Variants in PLCG2 observed in about 807,000 individuals in gnomAD.
The protein encoded by PLCG2 is phospholipase C gamma 2, also known as 1-phosphatidylinositol 4,5-bisphosphate phosphodiesterase gamma-2.
Under a neutral mutation model 175.6 loss-of-function variants are expected in PLCG2, and 69 were observed. That is an observed-to-expected ratio of 0.39 (90% CI 0.32 to 0.48). The LOEUF (loss-of-function observed/expected upper bound fraction) is 0.48, where lower values mean the gene tolerates loss of function less well. PLCG2 is among the 20% of genes least tolerant of loss of function. PLCG2 has a pLI of 0.91. For missense variants in PLCG2, 1,798 were observed against 1,650.9 expected (o/e 1.09, Z -1.54); for synonymous variants, 827 against 624.0 (o/e 1.33, Z -4.85).
intron 15 of PLCG2, 95 bp downstream of exon 15, chr16:81,905,602 G>T: frequency 1.3e-6 from 1 of 744,200 alleles, no homozygotes; most frequent in South Asian, 1.6e-5. Flanking sequence ...CGCCTGTCTT[G>T]TTCCCATTTT....
intron 1 of PLCG2, among the ~76,000 whole-genome samples, chr16:81,741,035 T>A (rs1236240336): frequency 6.6e-6 from 1 of 151,986 alleles, no homozygotes; most frequent in Non-Finnish European, 1.5e-5. Context: ...GCAAGAGGGG[T>A]TCCCCCAAGG....
intron 7 of PLCG2, among the ~76,000 whole-genome samples, chr16:81,872,243 A>G (rs901285987): frequency 3.9e-5 from 6 of 152,184 alleles, no homozygotes; most frequent in African/African-American, 1.4e-4. Flanking sequence ...CAGGAGAATC[A>G]CTTGAACCTG....
At chr16:81,910,780 A>G in intron 18 of PLCG2, 60 bp downstream of exon 18, 1 of 1,491,328 alleles carries the variant, frequency 6.7e-7, no homozygotes, top group South Asian at 1.1e-5. Context: ...CACCAGGCAG[A>G]GAAGCTGGCC....
intron 19 of PLCG2, among the ~76,000 whole-genome samples, chr16:81,914,103 G>A (rs117859182): frequency 2.0e-5 from 3 of 152,296 alleles, no homozygotes; most frequent in East Asian, 3.9e-4. Context: ...TGTTCAGTCC[G>A]CTGCACACGG....
At chr16:81,741,865 T>C (rs1390180592) in intron 1 of PLCG2, among the ~76,000 whole-genome samples, 1 of 152,188 alleles carries the variant, frequency 6.6e-6, no homozygotes, top group Non-Finnish European at 1.5e-5. Context: ...CTTCAAACGT[T>C]TGTCATTTCT....
At position 81,862,701 on chromosome 16, in the gene PLCG2, C is replaced by G. The variant is rs145025126; in HGVS notation, c.479+3538C>G. ...CTTGGGCAACATGGGGAAACCCTGT[C>G]TATACAGAAAGTACAAAAAAGTTAG... On this transcript the variant is annotated intron_variant, in intron 5 of 32. Transcript: ENST00000564138. Among the ~76,000 whole-genome samples the G allele has an allele frequency of 5.2e-4, 79 of 152,178 alleles. No individual in the cohort carries two copies. In the East Asian group the frequency reaches 0.015, roughly 29 times the overall value.
At chr16:81,889,376 G>A in intron 10 of PLCG2, 103 bp downstream of exon 10, 1 of 691,302 alleles carries the variant, frequency 1.4e-6, no homozygotes, top group Non-Finnish European at 2.6e-6. Context: ...GAACTTTGCT[G>A]TATGATGTTG....
At chr16:81,750,359 G>T (rs993790560) in intron 1 of PLCG2, among the ~76,000 whole-genome samples, 1 of 147,508 alleles carries the variant, frequency 6.8e-6, no homozygotes, top group East Asian at 2.0e-4. Context: ...GGGGAAGATT[G>T]CAGTGAGCTG....
At chr16:81,762,441 C>A (rs1910061231) in intron 2 of PLCG2, among the ~76,000 whole-genome samples, 2 of 151,904 alleles carry the variant, frequency 1.3e-5, no homozygotes, top group South Asian at 4.2e-4. Context: ...TGATGGCATG[C>A]TCCTATAGTC....
chr16:81,904,707 C>T (rs535779468), intron 14 of PLCG2, among the ~76,000 whole-genome samples: 229 of 152,276 alleles, frequency 1.5e-3, no homozygotes, highest in African/African-American at 5.2e-3. Context: ...GCTAAGTGCT[C>T]TTCTAGCACA....
intron 5 of PLCG2, among the ~76,000 whole-genome samples, chr16:81,866,694 G>T (rs369578585): frequency 1.8e-4 from 22 of 124,760 alleles, no homozygotes; most frequent in East Asian, 5.2e-4. Context: ...CCTCTCCCTT[G>T]CTCCCAGGAT....
At chr16:81,911,711 A>G (rs1010058897) in intron 18 of PLCG2, among the ~76,000 whole-genome samples, 1 of 151,578 alleles carries the variant, frequency 6.6e-6, no homozygotes, top group Non-Finnish European at 1.5e-5. Context: ...CCCAGGTTCA[A>G]GAGATTCTTG....
rs368899387 is a variant in PLCG2 at position 81,908,603 on chromosome 16, G to A, written c.1733+12G>A. ...ACCCTGTCCTTCTGGTAATGCCCCC[G>A]ACCCAGGGAACGCCTACCTTCTTCT... On this transcript the variant is annotated intron_variant, in intron 17 of 32. Coordinates refer to ENST00000564138, the MANE Select transcript of PLCG2 (RefSeq NM_002661.5). 4.1e-5 allele frequency: 66 copies of A among 1,597,940 alleles called. No homozygotes were observed. Among genetic ancestry groups the A allele is most frequent in the Non-Finnish European group, 5.2e-5 (61 of 1,171,598 alleles).
intron 2 of PLCG2, among the ~76,000 whole-genome samples, chr16:81,827,583 G>A (rs1905094936): frequency 6.6e-6 from 1 of 152,110 alleles, no homozygotes; most frequent in African/African-American, 2.4e-5. Context: ...ACCTAAATAA[G>A]AGAAGCAGGT....
At chr16:81,791,841 A>T (rs1231156832) in intron 2 of PLCG2, among the ~76,000 whole-genome samples, 1 of 152,180 alleles carries the variant, frequency 6.6e-6, no homozygotes, top group Non-Finnish European at 1.5e-5. Flanking sequence ...CTGGGATTAC[A>T]GGCATGAACC....
intron 10 of PLCG2, 47 bp from the exon 11 acceptor site, chr16:81,891,425 C>A (rs1908627684): frequency 9.5e-7 from 1 of 1,054,436 alleles, no homozygotes; most frequent in Non-Finnish European, 1.5e-6. Flanking sequence ...CAGACACCAT[C>A]CTGCCCGTCA....
Position 81,958,411 on chromosome 16 carries a change from G to A in PLCG2, c.*413G>A, listed in dbSNP as rs1041397100. 2 of 247,636 alleles carry A rather than the reference G, an allele frequency of 8.1e-6. No individual in the cohort carries two copies. Among genetic ancestry groups the A allele is most frequent in the Admixed American group, 1.1e-4 (2 of 19,036 alleles). 15.3% of individuals were successfully genotyped at this position (247,636 alleles called of 1,614,324 possible). On this transcript the variant is annotated 3_prime_UTR_variant, in exon 33 of 33. Transcript: ENST00000564138. Reference sequence around the variant, plus strand: ...TGTCCATGGAGGATGAGCTGGAAATGTAAGAAACTATTCATGAGATTCTGA... The same window carrying A: ...TGTCCATGGAGGATGAGCTGGAAATATAAGAAACTATTCATGAGATTCTGA...
intron 26 of PLCG2, chr16:81,935,696 C>G: frequency 2.0e-6 from 2 of 985,334 alleles, no homozygotes; most frequent in South Asian, 4.7e-5. Context: ...CTGTCCCCTT[C>G]CCTCTCCTCC....
At chr16:81,946,397 C>G in intron 31 of PLCG2, 134 bp downstream of exon 31, 1 of 667,988 alleles carries the variant, frequency 1.5e-6, no homozygotes, top group Non-Finnish European at 2.7e-6. Flanking sequence ...AGACATCATA[C>G]AAGAATTCCT....
Sources: gnomAD v4.1 joint callset for allele counts (sites outside exome capture counted in the v4.1 genomes callset) on GRCh38, gnomAD v4.1.1 for gene constraint, MANE v1.5 for transcripts, NCBI Gene and HGNC (gene_info 2026-07-23, HGNC 2026-07-21) for gene names.